Variants in FBXW4 observed in about 807,000 individuals in gnomAD.
FBXW4 encodes F-box and WD repeat domain containing 4.
A neutral mutation model predicts 61.8 loss-of-function variants in FBXW4; 40 were observed. The observed-to-expected ratio is 0.65, with a 90% CI of 0.50 to 0.84. The LOEUF (loss-of-function observed/expected upper bound fraction) is 0.84. Ranked by LOEUF, FBXW4 falls within the 40% of genes least tolerant of loss-of-function variation. FBXW4 has a pLI of 0.00. For missense variants in FBXW4, 672 were observed against 753.8 expected (o/e 0.89, Z 1.27); for synonymous variants, 311 against 313.8 (o/e 0.99, Z 0.10).
intron 5 of FBXW4, among the ~76,000 whole-genome samples, chr10:101,643,394 G>A (rs2064070194): frequency 6.6e-6 from 1 of 152,240 alleles, no homozygotes. Flanking sequence ...ACAGCCTTGG[G>A]AAGAGGTACA....
intron 1 of FBXW4, among the ~76,000 whole-genome samples, chr10:101,689,506 G>A (rs191647709): frequency 3.8e-4 from 58 of 152,182 alleles, no homozygotes; most frequent in Admixed American, 1.1e-3. Flanking sequence ...TCCAAACGCC[G>A]AAGACAATAA....
intron 1 of FBXW4, among the ~76,000 whole-genome samples, chr10:101,678,906 G>T (rs1422248779): frequency 6.6e-6 from 1 of 152,064 alleles, no homozygotes; most frequent in Non-Finnish European, 1.5e-5. Context: ...CTGCCTCCTG[G>T]TGTTATTTCA....
In FBXW4 at chr10:101,611,837, G is replaced by A. The variant is rs2063789095; in HGVS notation, c.1443-68C>T. On this transcript the variant is annotated intron_variant, in intron 7 of 8. Transcript: ENST00000331272. The surrounding 1 kb of genome is among the most constrained non-coding windows in gnomAD (Gnocchi z 4.9). ...TCCACCTCTACCCCAGCTTTCTTGG[G>A]CCTAGAGTGGCTGAGGGGAGCGTTA... is the stretch of plus-strand genomic sequence containing the variant. 2 of 1,541,452 alleles carry A rather than the reference G, an allele frequency of 1.3e-6. No homozygotes were observed. The highest frequency in any genetic ancestry group is 1.9e-5 in the Admixed American group (1 of 53,486).
In FBXW4 at chr10:101,643,420, C is replaced by G. The variant is rs118089211; in HGVS notation, c.1236-18610G>C. Among the ~76,000 whole-genome samples the G allele has an allele frequency of 2.0e-4, 30 of 152,348 alleles. No homozygotes were observed. In the East Asian group the frequency reaches 5.6e-3, roughly 28 times the overall value. On this transcript the variant is annotated intron_variant, in intron 5 of 8. Transcript: ENST00000331272. ...AAGAGGTACATGCCCTCTGGGTTGTCCTGACCTTGCCATCCTTTGCTGAGA... is the reference window on the plus strand; with the variant it reads ...AAGAGGTACATGCCCTCTGGGTTGTGCTGACCTTGCCATCCTTTGCTGAGA...
chr10:101,627,981 T>C (rs531504082), intron 5 of FBXW4: 3 of 985,440 alleles, frequency 3.0e-6, no homozygotes, highest in East Asian at 2.3e-4. Context: ...TGTGCTCTGA[T>C]AACCTGTTCG....
At chr10:101,642,457 T>C (rs1402390018) in intron 5 of FBXW4, among the ~76,000 whole-genome samples, 2 of 151,758 alleles carry the variant, frequency 1.3e-5, no homozygotes, top group African/African-American at 2.4e-5. Context: ...TCCCATCTCC[T>C]TACAGGCAGC....
intron 5 of FBXW4, among the ~76,000 whole-genome samples, chr10:101,639,682 T>G (rs182266366): frequency 6.6e-6 from 1 of 152,268 alleles, no homozygotes; most frequent in Non-Finnish European, 1.5e-5. Flanking sequence ...CTCTCTCTGA[T>G]TTAAGCCATG....
intron 6 of FBXW4, among the ~76,000 whole-genome samples, chr10:101,622,664 C>T (rs1445027752): frequency 7.2e-6 from 1 of 139,502 alleles, no homozygotes; most frequent in Non-Finnish European, 1.5e-5. Context: ...GGAGGCAGAG[C>T]TTGCAGTGAG....
chr10:101,630,960 T>C (rs1438749607), intron 5 of FBXW4, among the ~76,000 whole-genome samples: 1 of 152,172 alleles, frequency 6.6e-6, no homozygotes, highest in Non-Finnish European at 1.5e-5. Flanking sequence ...AGGGCCATGC[T>C]TGTGGAACCT....
intron 4 of FBXW4, among the ~76,000 whole-genome samples, chr10:101,670,428 A>G (rs1457074009): frequency 6.6e-6 from 1 of 152,222 alleles, no homozygotes; most frequent in Non-Finnish European, 1.5e-5. Flanking sequence ...GCAGCAAAGT[A>G]TTTGGCAGGT....
chr10:101,647,532 T>TC (rs1281921587), intron 5 of FBXW4, among the ~76,000 whole-genome samples: 6 of 152,086 alleles, frequency 3.9e-5, no homozygotes, highest in African/African-American at 1.4e-4. Flanking sequence ...CGATTTTTTT[T>TC]CCCCCAATGG....
Position 101,695,168 on chromosome 10 carries a change from G to A in FBXW4, c.-63C>T. The A allele has an allele frequency of 3.0e-6, 3 of 985,434 alleles. No homozygotes were observed. The highest frequency in any genetic ancestry group is 3.6e-6 in the Non-Finnish European group (3 of 830,086). The allele number at this position is 985,434 out of a possible 1,614,324, so 61.0% of individuals were successfully genotyped here. A position where few individuals can be genotyped will look rare whatever the true frequency, so the allele number is the denominator to read the frequency against. On this transcript the variant is annotated 5_prime_UTR_variant, in exon 1 of 9. Transcript: ENST00000331272. This position sits in a 1 kb window ranked among gnomAD's most constrained non-coding sequence, Gnocchi z 4.2. The stretch of plus-strand genomic sequence containing the variant: ...CGAGCCGCCACCGCCGCCGCCCCGG[G>A]AGGAGGCGACACCATGTCGGACCGG...
At chr10:101,660,374 G>T in intron 5 of FBXW4, 1 of 576,120 alleles carries the variant, frequency 1.7e-6, no homozygotes, top group Non-Finnish European at 2.2e-6. Flanking sequence ...AAAGGTCCCT[G>T]CCTATAAAAC....
chr10:101,625,842 A>C (rs77449307), intron 5 of FBXW4: 13,661 of 152,314 alleles, frequency 0.09, 691 homozygotes, highest in African/African-American at 0.14. Flanking sequence ...ACATACTAAT[A>C]ACACATTAGC....
chr10:101,630,312 G>C (rs1476123805), intron 5 of FBXW4, among the ~76,000 whole-genome samples: 1 of 152,146 alleles, frequency 6.6e-6, no homozygotes, highest in African/African-American at 2.4e-5. Flanking sequence ...ATCAATTTTT[G>C]ATGGGCTGCA....
At chr10:101,675,567 G>A (rs1436584976) in intron 2 of FBXW4, among the ~76,000 whole-genome samples, 1 of 152,174 alleles carries the variant, frequency 6.6e-6, no homozygotes, top group Non-Finnish European at 1.5e-5. Context: ...TCTGATGCCA[G>A]TGAAACCAGT....
intron 5 of FBXW4, among the ~76,000 whole-genome samples, chr10:101,634,090 GTAACAGAGCA>G (rs1422173847): frequency 1.3e-5 from 2 of 151,870 alleles, no homozygotes; most frequent in African/African-American, 4.8e-5. Context: ...TCCAGCCTGG[GTAACAGAGCA>G]AGACTCCGTC....
intron 1 of FBXW4, among the ~76,000 whole-genome samples, chr10:101,676,967 C>T (rs1020176377): frequency 2.6e-5 from 4 of 152,140 alleles, no homozygotes; most frequent in Non-Finnish European, 5.9e-5. Context: ...AAAATGAATA[C>T]ACAAGCCGTC....
chr10:101,673,425 C>T, intron 3 of FBXW4, 63 bp downstream of exon 3: 1 of 1,570,470 alleles, frequency 6.4e-7, no homozygotes. Context: ...AAGTCAGAGG[C>T]AGGCAGAATG....
Sources: gnomAD v4.1 joint callset for allele counts (sites outside exome capture counted in the v4.1 genomes callset) on GRCh38, gnomAD v4.1.1 for gene constraint, Gnocchi (gnomAD v3.1) non-coding constraint, MANE v1.5 for transcripts, NCBI Gene and HGNC (gene_info 2026-07-23, HGNC 2026-07-21) for gene names.